SAMD13: variants seen among roughly 807,000 people sequenced by gnomAD.
The protein encoded by SAMD13 is sterile alpha motif domain-containing protein 13.
In SAMD13, 9 loss-of-function variants were observed where a neutral mutation model predicts 12.4. That is an observed-to-expected ratio of 0.72 (90% CI 0.44 to 1.26). SAMD13 has a LOEUF of 1.26. SAMD13 is among the 50% of genes most tolerant of loss of function. The pLI is 0.00. For synonymous variants in SAMD13, 46 were observed against 45.4 expected, an observed-to-expected ratio of 1.01 and a Z score of -0.05; for missense variants, 84 against 119.6, an observed-to-expected ratio of 0.70 and a Z score of 1.39.
intron 2 of SAMD13, among the ~76,000 whole-genome samples, chr1:84,323,315 A>G (rs1420601707): frequency 6.6e-6 from 1 of 152,158 alleles, no homozygotes; most frequent in Non-Finnish European, 1.5e-5. Flanking sequence ...TTTAAAATTT[A>G]CTATTGATTT....
At chr1:84,321,241 T>G (rs989972442) in intron 2 of SAMD13, among the ~76,000 whole-genome samples, 15 of 152,282 alleles carry the variant, frequency 9.9e-5, no homozygotes, top group African/African-American at 3.4e-4. Context: ...ATAATTTTTA[T>G]CAATACTTGA....
intron 3 of SAMD13, among the ~76,000 whole-genome samples, chr1:84,333,734 C>G (rs7548576): frequency 2.6e-5 from 4 of 151,896 alleles, no homozygotes; most frequent in South Asian, 2.1e-4. Flanking sequence ...AACTTTGATG[C>G]CTAGTTTGTT....
At chr1:84,326,985 C>T (rs755929586) in intron 3 of SAMD13, among the ~76,000 whole-genome samples, 2 of 152,136 alleles carry the variant, frequency 1.3e-5, no homozygotes, top group Non-Finnish European at 2.9e-5. Flanking sequence ...TAATATTAAA[C>T]ATTCACGAGG....
At chr1:84,337,455 G>A (rs553388685) in intron 3 of SAMD13, among the ~76,000 whole-genome samples, 120 of 152,306 alleles carry the variant, frequency 7.9e-4, no homozygotes, top group Non-Finnish European at 1.4e-3. Context: ...CTTGAGGCTT[G>A]CACCCTCTGA....
intron 2 of SAMD13, among the ~76,000 whole-genome samples, chr1:84,317,124 T>A (rs913358932): frequency 6.6e-6 from 1 of 152,106 alleles, no homozygotes; most frequent in Non-Finnish European, 1.5e-5. Context: ...GGGTTTTCTC[T>A]ATATAAGATC....
intron 2 of SAMD13, among the ~76,000 whole-genome samples, chr1:84,313,388 T>C (rs1224331605): frequency 1.3e-5 from 2 of 152,208 alleles, no homozygotes; most frequent in Non-Finnish European, 2.9e-5. Flanking sequence ...CCATGTTAGA[T>C]TCATGTTAGA....
chr1:84,332,780 G>A lies in SAMD13; in HGVS notation c.165+7032G>A, dbSNP rs143004259. Among the ~76,000 whole-genome samples the A allele has an allele frequency of 1.6e-4, 24 of 152,222 alleles. No homozygotes were observed. The East Asian group carries it at 4.1e-3, about 26-fold the overall frequency. ...TGTTTTTGTTGCAATTGCTTTTGGC[G>A]TCTTTATCATGAAATCTTTGCCAGG... is the stretch of plus-strand genomic sequence containing the variant. On this transcript the variant is annotated intron_variant, in intron 3 of 3. Coordinates refer to ENST00000394834, the MANE Select transcript of SAMD13 (RefSeq NM_001134663.2).
At chr1:84,315,022 CTCTT>C (rs1263576322) in intron 2 of SAMD13, among the ~76,000 whole-genome samples, 3 of 131,230 alleles carry the variant, frequency 2.3e-5, no homozygotes, top group African/African-American at 5.6e-5. Context: ...CTCTTTCTTT[CTCTT>C]TCTTTCTCTC....
chr1:84,305,377 G>T (rs1352961149), intron 2 of SAMD13, among the ~76,000 whole-genome samples: 1 of 151,794 alleles, frequency 6.6e-6, no homozygotes, highest in African/African-American at 2.4e-5. Flanking sequence ...TGTATAGAGA[G>T]TTTTTATATA....
rs1679352074 is a variant in SAMD13 at position 84,338,491 on chromosome 1, G to A, written c.166-11140G>A. Among the ~76,000 whole-genome samples the A allele has an allele frequency of 2.8e-5, 4 of 143,750 alleles. No individual in the cohort carries two copies. The Admixed American group carries it at 2.9e-4, about 10-fold the overall frequency. The allele number at this position is 143,750 out of a possible 152,430, so 94.3% of individuals were successfully genotyped here. On this transcript the variant is annotated intron_variant, in intron 3 of 3. Coordinates refer to ENST00000394834, the MANE Select transcript of SAMD13 (RefSeq NM_001134663.2). The stretch of plus-strand genomic sequence containing the variant: ...CTCACTCTGTCACCCAGGCTGGAGT[G>A]CAATGGCGTGCTCTCAGCTCACTCC...
At chr1:84,339,241 T>C (rs1280301355) in intron 3 of SAMD13, among the ~76,000 whole-genome samples, 1 of 152,230 alleles carries the variant, frequency 6.6e-6, no homozygotes, top group Admixed American at 6.5e-5. Flanking sequence ...GCCAGAGTTA[T>C]TGCACTAGGT....
At chr1:84,322,772 C>T (rs768657943) in intron 2 of SAMD13, among the ~76,000 whole-genome samples, 6 of 152,010 alleles carry the variant, frequency 3.9e-5, no homozygotes, top group East Asian at 1.9e-4. Flanking sequence ...CCCCGTTCCA[C>T]GTTGCTGCTA....
At chr1:84,302,134 T>G (rs1159066739) in intron 1 of SAMD13, 1 of 152,152 alleles carries the variant, frequency 6.6e-6, no homozygotes. Context: ...GAGTGAAAAT[T>G]ATCCCACACT....
chr1:84,310,894 T>G (rs1678695198), intron 2 of SAMD13, among the ~76,000 whole-genome samples: 1 of 152,212 alleles, frequency 6.6e-6, no homozygotes, highest in Non-Finnish European at 1.5e-5. Context: ...TATATTGTAT[T>G]GCACTCTGAA....
intron 2 of SAMD13, among the ~76,000 whole-genome samples, chr1:84,317,186 G>T (rs1031649836): frequency 1.3e-5 from 2 of 151,864 alleles, no homozygotes; most frequent in African/African-American, 2.4e-5. Flanking sequence ...TCAATTTGGA[G>T]GCTATTTATT....
intron 2 of SAMD13, among the ~76,000 whole-genome samples, chr1:84,315,234 T>C (rs1678807934): frequency 6.6e-6 from 1 of 152,106 alleles, no homozygotes; most frequent in South Asian, 2.1e-4. Flanking sequence ...CTGTTGATTA[T>C]CAACTCCCCC....
At chr1:84,346,992 C>T (rs751687391) in intron 3 of SAMD13, among the ~76,000 whole-genome samples, 1 of 152,118 alleles carries the variant, frequency 6.6e-6, no homozygotes, top group Non-Finnish European at 1.5e-5. Context: ...TGAGAACCTC[C>T]TACATGTCAG....
In SAMD13 at chr1:84,348,433, G is replaced by A. The variant is rs191147633; in HGVS notation, c.166-1198G>A. Among the ~76,000 whole-genome samples, 35 of 152,154 alleles carry A rather than the reference G, an allele frequency of 2.3e-4. 1 individual carries two copies. The South Asian group carries it at 5.2e-3, about 23-fold the overall frequency. On this transcript the variant is annotated intron_variant, in intron 3 of 3. Coordinates refer to ENST00000394834, the MANE Select transcript of SAMD13 (RefSeq NM_001134663.2). ...TACACACGGTGTCCCCATGTCTGTCGGTCAGTGGAGGAGGTAGGTACAGAA... is the reference window on the plus strand; with the variant it reads ...TACACACGGTGTCCCCATGTCTGTCAGTCAGTGGAGGAGGTAGGTACAGAA...
Position 84,350,011 on chromosome 1 carries a change from G to T in SAMD13, c.*237G>T. On this transcript the variant is annotated 3_prime_UTR_variant, in exon 4 of 4. Coordinates refer to ENST00000394834, the MANE Select transcript of SAMD13 (RefSeq NM_001134663.2). ...TCCTCATGGATTTTGTCAAATAGAT[G>T]ATCTTTGACACGATTAGACACTCCT... is the stretch of plus-strand genomic sequence containing the variant. 2.7e-6 allele frequency: 2 copies of T among 727,520 alleles called. No individual in the cohort carries two copies. The highest frequency in any genetic ancestry group is 1.9e-6 in the Non-Finnish European group (1 of 530,072). 45.1% of individuals were successfully genotyped at this position (727,520 alleles called of 1,614,324 possible).
Sources: gnomAD v4.1 joint callset for allele counts (sites outside exome capture counted in the v4.1 genomes callset) on GRCh38, gnomAD v4.1.1 for gene constraint, MANE v1.5 for transcripts, NCBI Gene and HGNC (gene_info 2026-07-23, HGNC 2026-07-21) for gene names.